The following NPAS3 variants were observed in gnomAD, a reference collection of about 807,000 sequenced individuals.
The protein encoded by NPAS3 is neuronal PAS domain protein 3.
In NPAS3, 14 loss-of-function variants were observed where a neutral mutation model predicts 73.1. That is an observed-to-expected ratio of 0.19 (90% CI 0.13 to 0.30). NPAS3 has a LOEUF of 0.30. Among genes scored for constraint, NPAS3 ranks in the 10% least tolerant of loss-of-function variants. The probability of loss-of-function intolerance (pLI) is 1.00; values close to 1 mark genes in which losing one functional copy is unlikely to be tolerated. For synonymous variants in NPAS3, 620 were observed against 541.5 expected, an observed-to-expected ratio of 1.14 and a Z score of -2.01; for missense variants, 1,096 against 1,250.0, an observed-to-expected ratio of 0.88 and a Z score of 1.86.
intron 4 of NPAS3, among the ~76,000 whole-genome samples, chr14:33,516,707 C>G (rs970226671): frequency 6.6e-6 from 1 of 152,098 alleles, no homozygotes; most frequent in Non-Finnish European, 1.5e-5. Flanking sequence ...TTAAGTGGAT[C>G]TTAGGACCTG....
At chr14:33,316,102 G>T (rs1312554114) in intron 3 of NPAS3, among the ~76,000 whole-genome samples, 1 of 152,054 alleles carries the variant, frequency 6.6e-6, no homozygotes, top group Non-Finnish European at 1.5e-5. Context: ...TCTCCATTTT[G>T]TCTTTTAAGT....
chr14:33,638,410 T>C (rs149221073), intron 5 of NPAS3, among the ~76,000 whole-genome samples: 1 of 152,336 alleles, frequency 6.6e-6, no homozygotes. Flanking sequence ...AACCCAGTTC[T>C]TCTACTTACT....
chr14:33,057,242 G>A lies in NPAS3; in HGVS notation c.140+1248G>A, dbSNP rs1000709003. On this transcript the variant is annotated intron_variant, in intron 2 of 11. Coordinates refer to ENST00000356141, the Ensembl canonical transcript of NPAS3. ...TGGCTTTATTTATTGATATTTCACTGTCTAGATAGTGTTACTAGTTTTATC... is the reference window on the plus strand; with the variant it reads ...TGGCTTTATTTATTGATATTTCACTATCTAGATAGTGTTACTAGTTTTATC... 5.3e-5 allele frequency among the ~76,000 whole-genome samples: 8 copies of A among 152,196 alleles called. No homozygotes were observed. The East Asian group carries it at 5.8e-4, about 11-fold the overall frequency.
intron 2 of NPAS3, among the ~76,000 whole-genome samples, chr14:33,205,322 A>AT (rs1248199567): frequency 1.3e-5 from 2 of 152,126 alleles, no homozygotes; most frequent in African/African-American, 4.8e-5. Context: ...CCCATACTTT[A>AT]TTTTTAAAGC....
intron 1 of NPAS3, among the ~76,000 whole-genome samples, chr14:33,000,861 A>G (rs539083635): frequency 1.3e-5 from 2 of 152,330 alleles, no homozygotes; most frequent in African/African-American, 4.8e-5. Flanking sequence ...CAGGAAGGAC[A>G]AGGATTAGTG....
intron 2 of NPAS3, among the ~76,000 whole-genome samples, chr14:33,089,122 G>T (rs535093587): frequency 6.6e-5 from 10 of 152,122 alleles, no homozygotes; most frequent in African/African-American, 2.4e-4. Flanking sequence ...GCAGCTGCTC[G>T]CCAGCAATGG....
intron 4 of NPAS3, among the ~76,000 whole-genome samples, chr14:33,443,575 A>G (rs1472704128): frequency 1.3e-5 from 2 of 152,202 alleles, no homozygotes; most frequent in African/African-American, 4.8e-5. Context: ...TAAGGAGCCC[A>G]GGCAGAGAGG....
intron 3 of NPAS3, among the ~76,000 whole-genome samples, chr14:33,216,883 A>G (rs1210052520): frequency 6.6e-6 from 1 of 152,214 alleles, no homozygotes; most frequent in East Asian, 1.9e-4. Context: ...AAAGCAAGGC[A>G]CATTCGAGTT....
At chr14:33,216,672 A>G (rs2047235175) in intron 3 of NPAS3, among the ~76,000 whole-genome samples, 1 of 152,208 alleles carries the variant, frequency 6.6e-6, no homozygotes, top group Admixed American at 6.5e-5. Flanking sequence ...GCCATAGACA[A>G]TATGTAAACA....
chr14:33,561,205 G>A (rs932678071), intron 5 of NPAS3, among the ~76,000 whole-genome samples: 3 of 152,186 alleles, frequency 2.0e-5, no homozygotes, highest in Non-Finnish European at 2.9e-5. Flanking sequence ...CCCCAGACTC[G>A]TTGCTTCTGA....
intron 1 of NPAS3, among the ~76,000 whole-genome samples, chr14:32,986,301 A>C (rs915090744): frequency 6.6e-6 from 1 of 152,224 alleles, no homozygotes; most frequent in East Asian, 1.9e-4. Flanking sequence ...ATTATGATTC[A>C]GCGTATTTTA....
At chr14:33,169,776 A>G (rs1158494060) in intron 2 of NPAS3, among the ~76,000 whole-genome samples, 1 of 152,238 alleles carries the variant, frequency 6.6e-6, no homozygotes, top group Non-Finnish European at 1.5e-5. Context: ...TGTTATGCAA[A>G]TGAATAGTCA....
rs75700106 is a variant in NPAS3 at position 33,659,860 on chromosome 14, A to G, written c.559-16351A>G. Among the ~76,000 whole-genome samples, 508 of 152,266 alleles carry G rather than the reference A, an allele frequency of 3.3e-3. 24 individuals carry two copies. The East Asian group carries it at 0.086, about 26-fold the overall frequency. On this transcript the variant is annotated intron_variant, in intron 5 of 11. Transcript: ENST00000356141. ...CAATAGAATACATCTCAGAAAAATCAAAGGATGGTCAATGGTAGAAACAAA... is the reference window on the plus strand; with the variant it reads ...CAATAGAATACATCTCAGAAAAATCGAAGGATGGTCAATGGTAGAAACAAA...
chr14:32,955,689 T>C (rs1224440906), intron 1 of NPAS3, among the ~76,000 whole-genome samples: 2 of 152,132 alleles, frequency 1.3e-5, no homozygotes, highest in East Asian at 1.9e-4. Flanking sequence ...AAACACCTTC[T>C]TGGAACAGAG....
At chr14:33,079,325 C>CTTTTTTTTTTTTTTTTTTTTT (rs772885846) in intron 2 of NPAS3, among the ~76,000 whole-genome samples, 6 of 132,300 alleles carry the variant, frequency 4.5e-5, no homozygotes, top group South Asian at 2.5e-4. Flanking sequence ...TTTCTTTTTC[C>CTTTTTTTTTTTTTTTTTTTTT]TTTTTTTTTT....
intron 2 of NPAS3, among the ~76,000 whole-genome samples, chr14:33,177,983 C>G (rs1475027580): frequency 6.6e-6 from 1 of 152,052 alleles, no homozygotes; most frequent in Admixed American, 6.6e-5. Context: ...CTATTGGGAG[C>G]CCCTTACACT....
chr14:33,672,049 T>G (rs2059623588), intron 5 of NPAS3, among the ~76,000 whole-genome samples: 1 of 152,204 alleles, frequency 6.6e-6, no homozygotes, highest in Non-Finnish European at 1.5e-5. Context: ...TATTAATTTT[T>G]ATGGAACTAT....
intron 3 of NPAS3, among the ~76,000 whole-genome samples, chr14:33,226,413 T>A (rs2139743347): frequency 6.6e-6 from 1 of 152,312 alleles, no homozygotes; most frequent in South Asian, 2.1e-4. Context: ...TCATTAAAAA[T>A]CATTAGAAAT....
intron 3 of NPAS3, among the ~76,000 whole-genome samples, chr14:33,227,178 C>G (rs1202621763): frequency 1.3e-5 from 2 of 152,148 alleles, no homozygotes; most frequent in Non-Finnish European, 1.5e-5. Flanking sequence ...TAGCTGACAC[C>G]TGACCTAAAG....
Sources: allele counts gnomAD v4.1 joint callset (sites outside exome capture counted in the v4.1 genomes callset), GRCh38; gene constraint gnomAD v4.1.1; transcripts MANE v1.5; gene names NCBI Gene and HGNC (gene_info 2026-07-23, HGNC 2026-07-21).